MTUS2: variants seen among roughly 807,000 people sequenced by gnomAD.
MTUS2 encodes the protein microtubule associated scaffold protein 2.
In MTUS2, 40 loss-of-function variants were observed where a neutral mutation model predicts 114.1. The ratio of observed to expected loss-of-function variants is 0.35; its 90% CI spans 0.27 to 0.46. The LOEUF (loss-of-function observed/expected upper bound fraction) is 0.46. MTUS2 is among the 20% of genes least tolerant of loss of function. MTUS2 has a pLI of 1.00. For synonymous variants in MTUS2, 688 were observed against 672.0 expected (o/e 1.02, Z -0.37); for missense variants, 1,679 against 1,705.4 (o/e 0.98, Z 0.27).
chr13:29,138,750 A>T (rs1001154040), intron 5 of MTUS2, among the ~76,000 whole-genome samples: 6 of 151,540 alleles, frequency 4.0e-5, no homozygotes, highest in Admixed American at 2.6e-4. Context: ...CTTTTTTTTT[A>T]AAAAATAACT....
At chr13:29,228,088 T>C (rs1043943434) in intron 5 of MTUS2, among the ~76,000 whole-genome samples, 12 of 152,128 alleles carry the variant, frequency 7.9e-5, no homozygotes, top group African/African-American at 2.9e-4. Context: ...CTCACAGAAA[T>C]AAAAGCATCA....
intron 2 of MTUS2, among the ~76,000 whole-genome samples, chr13:29,003,200 A>G (rs1213849196): frequency 6.6e-6 from 1 of 152,194 alleles, no homozygotes; most frequent in Non-Finnish European, 1.5e-5. Flanking sequence ...CTGTGTGCCT[A>G]ACACTTCTAA....
intron 2 of MTUS2, among the ~76,000 whole-genome samples, chr13:28,897,345 T>G (rs1262685697): frequency 1.3e-5 from 2 of 152,112 alleles, no homozygotes; most frequent in South Asian, 2.1e-4. Context: ...AAAACCACAA[T>G]GAGATACCAG....
chr13:29,460,318 T>G (rs1879394041), intron 9 of MTUS2, among the ~76,000 whole-genome samples: 2 of 152,160 alleles, frequency 1.3e-5, no homozygotes, highest in Non-Finnish European at 2.9e-5. Flanking sequence ...ACTCTGTTTC[T>G]CCACTCCAAT....
chr13:28,974,117 C>T (rs995939376), intron 2 of MTUS2, among the ~76,000 whole-genome samples: 6 of 152,070 alleles, frequency 3.9e-5, no homozygotes, highest in Admixed American at 2.0e-4. Context: ...CTTGTGTGGA[C>T]GCAGAGAGCT....
intron 8 of MTUS2, among the ~76,000 whole-genome samples, chr13:29,422,532 G>A (rs1026155372): frequency 3.3e-5 from 5 of 151,490 alleles, no homozygotes; most frequent in African/African-American, 4.9e-5. Flanking sequence ...CTAAATGTTT[G>A]TTGCTACTTC....
At position 29,497,372 on chromosome 13, in the gene MTUS2, A is replaced by G. The variant is rs370126616; in HGVS notation, c.3678+36A>G. On this transcript the variant is annotated intron_variant, in intron 13 of 15. Transcript: ENST00000612955. The stretch of plus-strand genomic sequence containing the variant: ...GATTCCAGGCTTCCAGCCCCGCAGG[A>G]ACCCCGCCCCAGCAAGGCCGAGGGA... 2.5e-6 allele frequency: 4 copies of G among 1,576,946 alleles called. No individual in the cohort carries two copies. The African/African-American group carries it at 5.4e-5, about 21-fold the overall frequency.
At chr13:28,921,730 T>C (rs1423523724) in intron 2 of MTUS2, among the ~76,000 whole-genome samples, 1 of 152,208 alleles carries the variant, frequency 6.6e-6, no homozygotes, top group African/African-American at 2.4e-5. Flanking sequence ...GGTTCCTCTC[T>C]GGCTAAGTCT....
chr13:29,302,998 A>T (rs534282105), intron 6 of MTUS2, among the ~76,000 whole-genome samples: 111 of 152,336 alleles, frequency 7.3e-4, no homozygotes, highest in African/African-American at 2.6e-3. Context: ...TGATAACCAC[A>T]TATGGGAGAA....
Position 29,491,614 on chromosome 13 carries a change from AGT to A in MTUS2, c.3506-1025_3506-1024del, listed in dbSNP as rs545804654. Among the ~76,000 whole-genome samples, 45 of 133,774 alleles carry A rather than the reference AGT, an allele frequency of 3.4e-4. 1 individual carries two copies. In the South Asian group the frequency reaches 0.011, roughly 32 times the overall value. The allele number at this position is 133,774 out of a possible 152,430, so 87.8% of individuals were successfully genotyped here. A position where few individuals can be genotyped will look rare whatever the true frequency, so the allele number is the denominator to read the frequency against. On this transcript the variant is annotated intron_variant, in intron 11 of 15. Coordinates refer to ENST00000612955, the MANE Select transcript of MTUS2 (RefSeq NM_001033602.4). ...TGACAGGTGTGTGTGTGTGGCATAT[AGT>A]GTGTGTATGTGATTAGTAGGTGTGT...
chr13:29,452,965 GACA>G (rs2138747465), intron 9 of MTUS2, among the ~76,000 whole-genome samples: 1 of 152,204 alleles, frequency 6.6e-6, no homozygotes, highest in African/African-American at 2.4e-5. Context: ...ATTTGATCCT[GACA>G]ACAACAGTAG....
intron 5 of MTUS2, among the ~76,000 whole-genome samples, chr13:29,176,777 C>T (rs1593561404): frequency 6.9e-6 from 1 of 145,524 alleles, no homozygotes; most frequent in Admixed American, 6.7e-5. Flanking sequence ...TGGGGGCACC[C>T]CAAAATTCAG....
intron 2 of MTUS2, among the ~76,000 whole-genome samples, chr13:29,010,589 G>A (rs879728627): frequency 2.6e-5 from 4 of 151,868 alleles, no homozygotes; most frequent in South Asian, 2.1e-4. Flanking sequence ...CGCCACATGC[G>A]GACCACACTC....
At chr13:29,483,709 G>A (rs1019459692) in intron 10 of MTUS2, among the ~76,000 whole-genome samples, 6 of 152,168 alleles carry the variant, frequency 3.9e-5, no homozygotes, top group Non-Finnish European at 8.8e-5. Context: ...TGAGTTTAAA[G>A]ACAAGGTATA....
intron 6 of MTUS2, among the ~76,000 whole-genome samples, chr13:29,321,035 G>A (rs1413495593): frequency 6.6e-6 from 1 of 152,176 alleles, no homozygotes; most frequent in East Asian, 1.9e-4. Context: ...GGGGAACAGT[G>A]TTTTTTGTCA....
intron 8 of MTUS2, among the ~76,000 whole-genome samples, chr13:29,388,450 A>G (rs113104519): frequency 0.01 from 1,575 of 151,274 alleles, 28 homozygotes; most frequent in African/African-American, 0.036. Context: ...CGACCTAGAC[A>G]GAATGATTAC....
chr13:29,138,527 T>C (rs185542430), intron 5 of MTUS2, among the ~76,000 whole-genome samples: 1 of 148,624 alleles, frequency 6.7e-6, no homozygotes, highest in Admixed American at 6.7e-5. Context: ...ATATAAACTT[T>C]ATAACTCAAG....
At chr13:29,247,135 G>A (rs1465017248) in intron 5 of MTUS2, among the ~76,000 whole-genome samples, 1 of 152,152 alleles carries the variant, frequency 6.6e-6, no homozygotes, top group African/African-American at 2.4e-5. Context: ...ACTGATCTTT[G>A]GCAAAGCAAA....
intron 1 of MTUS2, among the ~76,000 whole-genome samples, chr13:28,823,654 A>G (rs889744663): frequency 1.3e-5 from 2 of 152,144 alleles, no homozygotes; most frequent in African/African-American, 2.4e-5. Flanking sequence ...CAACACAAAC[A>G]ATTTTGTCTG....
Sources: allele counts gnomAD v4.1 joint callset (sites outside exome capture counted in the v4.1 genomes callset), GRCh38; gene constraint gnomAD v4.1.1; transcripts MANE v1.5; gene names NCBI Gene and HGNC (gene_info 2026-07-23, HGNC 2026-07-21).